Variants in UBE2E3 observed in about 807,000 individuals in gnomAD.
UBE2E3 encodes ubiquitin conjugating enzyme E2 E3, also known as ubiquitin-conjugating enzyme E2 E3.
In UBE2E3, 5 loss-of-function variants were observed where a neutral mutation model predicts 23.6. The ratio of observed to expected loss-of-function variants is 0.21; its 90% CI spans 0.11 to 0.44. UBE2E3 has a LOEUF of 0.44. Among genes scored for constraint, UBE2E3 ranks in the 20% least tolerant of loss-of-function variants. The pLI is 0.99. For synonymous variants in UBE2E3, 78 were observed against 87.5 expected (o/e 0.89, Z 0.60); for missense variants, 81 against 249.8 (o/e 0.32, Z 4.55).
At chr2:181,021,590 T>TCCTTCCTCCCTCCCTCCCTCCCTTCCTC (rs1685689448) in intron 3 of UBE2E3, among the ~76,000 whole-genome samples, 1 of 52,452 alleles carries the variant, frequency 1.9e-5, no homozygotes, top group Non-Finnish European at 3.7e-5. Context: ...CTCCCTTCCT[T>TCCTTCCTCCCTCCCTCCCTCCCTTCCTC]CCTCCCTCCC....
chr2:180,985,532 T>G (rs1684435369), intron 3 of UBE2E3, among the ~76,000 whole-genome samples: 1 of 152,182 alleles, frequency 6.6e-6, no homozygotes, highest in Non-Finnish European at 1.5e-5. Context: ...ATTAGAATAT[T>G]TAAAATTACG....
At chr2:180,985,270 C>G (rs1027292874) in intron 3 of UBE2E3, among the ~76,000 whole-genome samples, 1 of 152,060 alleles carries the variant, frequency 6.6e-6, no homozygotes, top group Non-Finnish European at 1.5e-5. Flanking sequence ...TACTTAAGAG[C>G]TATGCTGTCC....
intron 3 of UBE2E3, among the ~76,000 whole-genome samples, chr2:181,017,173 A>C (rs542715013): frequency 8.6e-5 from 13 of 151,650 alleles, no homozygotes; most frequent in African/African-American, 3.1e-4. Context: ...AGAAGGTTAA[A>C]GCCTGAAGGA....
intron 3 of UBE2E3, among the ~76,000 whole-genome samples, chr2:180,989,544 G>T (rs1684589711): frequency 6.6e-6 from 1 of 152,062 alleles, no homozygotes; most frequent in Non-Finnish European, 1.5e-5. Flanking sequence ...AGAGGAAATT[G>T]ATACTCACAG....
intron 3 of UBE2E3, among the ~76,000 whole-genome samples, chr2:181,028,212 T>C (rs1685959166): frequency 6.6e-6 from 1 of 152,092 alleles, no homozygotes; most frequent in African/African-American, 2.4e-5. Context: ...TTAAATCTTG[T>C]TTTAAGATTT....
chr2:181,040,181 T>C (rs1686442295), intron 3 of UBE2E3, among the ~76,000 whole-genome samples: 1 of 152,246 alleles, frequency 6.6e-6, no homozygotes, highest in African/African-American at 2.4e-5. Context: ...TTCTTCTTAG[T>C]GGATAAATGG....
intron 3 of UBE2E3, among the ~76,000 whole-genome samples, chr2:180,996,822 A>G (rs1015775334): frequency 1.3e-5 from 2 of 152,208 alleles, no homozygotes; most frequent in African/African-American, 4.8e-5. Context: ...TATGTTGACC[A>G]AGATACATTT....
At chr2:180,998,793 C>T (rs1357458692) in intron 3 of UBE2E3, among the ~76,000 whole-genome samples, 1 of 151,970 alleles carries the variant, frequency 6.6e-6, no homozygotes, top group Non-Finnish European at 1.5e-5. Context: ...GCAACAGATA[C>T]GTTTTTATCC....
chr2:181,015,576 G>T (rs1490115455), intron 3 of UBE2E3, among the ~76,000 whole-genome samples: 1 of 152,056 alleles, frequency 6.6e-6, no homozygotes, highest in African/African-American at 2.4e-5. Context: ...TTGGAAAAAT[G>T]AACAGTTTTC....
intron 3 of UBE2E3, among the ~76,000 whole-genome samples, chr2:181,010,295 A>T (rs1438936979): frequency 6.6e-6 from 1 of 152,170 alleles, no homozygotes; most frequent in Non-Finnish European, 1.5e-5. Context: ...TTAATATGTT[A>T]CTATGATACT....
At position 180,980,777 on chromosome 2, in the gene UBE2E3, G is replaced by T. The variant is rs1276914333; in HGVS notation, c.-222G>T. 1.3e-5 allele frequency: 2 copies of T among 148,886 alleles called. No homozygotes were observed. Among genetic ancestry groups the T allele is most frequent in the African/African-American group, 4.9e-5 (2 of 41,062 alleles). 9.2% of individuals were successfully genotyped at this position (148,886 alleles called of 1,614,324 possible). A position where few individuals can be genotyped will look rare whatever the true frequency, so the allele number is the denominator to read the frequency against. ...AGGCGCTGGGCGGCGCCACCCTCCG[G>T]CCGGAGCCCGGCACTGCACAACCCC... On this transcript the variant is annotated 5_prime_UTR_variant, in exon 1 of 6. Transcript: ENST00000410062. This position sits in a 1 kb window ranked among gnomAD's most constrained non-coding sequence, Gnocchi z 5.5.
At chr2:180,997,373 T>C (rs2105585819) in intron 3 of UBE2E3, among the ~76,000 whole-genome samples, 1 of 152,282 alleles carries the variant, frequency 6.6e-6, no homozygotes. Flanking sequence ...TATTTTTTCA[T>C]ATGACTTATT....
intron 3 of UBE2E3, among the ~76,000 whole-genome samples, chr2:180,998,380 A>G (rs1684893765): frequency 1.3e-5 from 2 of 152,068 alleles, no homozygotes; most frequent in African/African-American, 4.8e-5. Flanking sequence ...GGCATGTCTA[A>G]GGATTCAGGT....
intron 3 of UBE2E3, among the ~76,000 whole-genome samples, chr2:181,050,862 A>G (rs1198808108): frequency 6.6e-6 from 1 of 151,918 alleles, no homozygotes; most frequent in Non-Finnish European, 1.5e-5. Flanking sequence ...TTATGTTAAT[A>G]GTAAAATAGA....
chr2:180,996,722 A>G (rs529022749), intron 3 of UBE2E3, among the ~76,000 whole-genome samples: 1 of 152,312 alleles, frequency 6.6e-6, no homozygotes, highest in Non-Finnish European at 1.5e-5. Flanking sequence ...AGTGATAGCA[A>G]ATCATAATGC....
chr2:181,003,288 G>A (rs1050043266), intron 3 of UBE2E3, among the ~76,000 whole-genome samples: 1 of 152,168 alleles, frequency 6.6e-6, no homozygotes, highest in Non-Finnish European at 1.5e-5. Context: ...GCAAACATGA[G>A]CTAATAATGT....
intron 3 of UBE2E3, among the ~76,000 whole-genome samples, chr2:181,041,937 A>G (rs774365909): frequency 7.9e-5 from 12 of 152,208 alleles, no homozygotes; most frequent in Non-Finnish European, 1.6e-4. Context: ...ACTGTTGACT[A>G]TAAACATTAT....
intron 3 of UBE2E3, among the ~76,000 whole-genome samples, chr2:181,037,585 A>C (rs541735276): frequency 3.3e-5 from 5 of 152,350 alleles, no homozygotes; most frequent in South Asian, 2.1e-4. Context: ...ATACAAAGGA[A>C]AATATTTTTG....
chr2:181,024,913 ACTATACTGCTTCAC>A (rs1685831495), intron 3 of UBE2E3, among the ~76,000 whole-genome samples: 1 of 152,016 alleles, frequency 6.6e-6, no homozygotes, highest in Admixed American at 6.6e-5. Flanking sequence ...CCCATGTATT[ACTATACTGCTTCAC>A]ATCAGCTCTA....
Sources: gnomAD v4.1 joint callset for allele counts (sites outside exome capture counted in the v4.1 genomes callset) on GRCh38, gnomAD v4.1.1 for gene constraint, Gnocchi (gnomAD v3.1) non-coding constraint, MANE v1.5 for transcripts, NCBI Gene and HGNC (gene_info 2026-07-23, HGNC 2026-07-21) for gene names.